Variants in KCNIP4 observed in about 807,000 individuals in gnomAD.
KCNIP4 encodes the protein Kv channel-interacting protein 4.
In KCNIP4, 12 loss-of-function variants were observed where a neutral mutation model predicts 34.0. That is an observed-to-expected ratio of 0.35 (90% CI 0.23 to 0.57). KCNIP4 has a LOEUF of 0.57. KCNIP4 is among the 20% of genes least tolerant of loss of function. The pLI is 0.83. For missense variants in KCNIP4, 238 were observed against 311.7 expected (o/e 0.76, Z 1.78); for synonymous variants, 124 against 102.2 (o/e 1.21, Z -1.29).
chr4:21,617,707 G>A (rs1321812544), intron 1 of KCNIP4, among the ~76,000 whole-genome samples: 1 of 152,146 alleles, frequency 6.6e-6, no homozygotes, highest in African/African-American at 2.4e-5. Flanking sequence ...GTTGGGATTA[G>A]AGAATGTTTT....
At chr4:20,748,609 A>G (rs1192920610) in intron 5 of KCNIP4, among the ~76,000 whole-genome samples, 1 of 137,590 alleles carries the variant, frequency 7.3e-6, no homozygotes, top group Non-Finnish European at 1.6e-5. Context: ...TATATATTCC[A>G]TAAGTAAATA....
At chr4:20,852,960 G>T (rs1228756886) in intron 2 of KCNIP4, among the ~76,000 whole-genome samples, 1 of 152,128 alleles carries the variant, frequency 6.6e-6, no homozygotes, top group Non-Finnish European at 1.5e-5. Context: ...AAACACTGTT[G>T]AAAGAAACCA....
chr4:20,877,122 G>C (rs563499876), intron 2 of KCNIP4, among the ~76,000 whole-genome samples: 1 of 152,196 alleles, frequency 6.6e-6, no homozygotes, highest in Non-Finnish European at 1.5e-5. Flanking sequence ...TTGGCCACGG[G>C]TGAAGAGGAA....
At chr4:20,942,668 T>A (rs1731762516) in intron 1 of KCNIP4, among the ~76,000 whole-genome samples, 1 of 151,996 alleles carries the variant, frequency 6.6e-6, no homozygotes, top group African/African-American at 2.4e-5. Flanking sequence ...TTCTTTTATT[T>A]TTATTTTTAT....
intron 1 of KCNIP4, among the ~76,000 whole-genome samples, chr4:21,320,822 T>A (rs1714300273): frequency 6.6e-6 from 1 of 152,094 alleles, no homozygotes; most frequent in African/African-American, 2.4e-5. Context: ...AAGACAAAAA[T>A]TAGCTGGGCA....
intron 1 of KCNIP4, among the ~76,000 whole-genome samples, chr4:21,068,124 C>T (rs995252081): frequency 1.3e-5 from 2 of 152,274 alleles, no homozygotes; most frequent in Non-Finnish European, 2.9e-5. Flanking sequence ...GATCACAATG[C>T]TCCAAGGGTG....
At chr4:20,983,502 CA>C (rs1368273542) in intron 1 of KCNIP4, among the ~76,000 whole-genome samples, 2 of 152,102 alleles carry the variant, frequency 1.3e-5, no homozygotes, top group Admixed American at 1.3e-4. Flanking sequence ...ACTTGACAAC[CA>C]AATACCAACC....
At chr4:21,822,927 C>T (rs768643498) in intron 1 of KCNIP4, among the ~76,000 whole-genome samples, 1 of 151,998 alleles carries the variant, frequency 6.6e-6, no homozygotes, top group Non-Finnish European at 1.5e-5. Flanking sequence ...CCATGTTGGC[C>T]AGGCTGGTCT....
At position 21,683,446 on chromosome 4, in the gene KCNIP4, A is replaced by ATTTTTTT. The variant is rs71191533; in HGVS notation, c.61+265118_61+265124dup. On this transcript the variant is annotated intron_variant, in intron 1 of 8. Transcript: ENST00000382152. ...TACGACTAATGATTGGTGAAGCCAG[A>ATTTTTTT]TTTTTTTTTTTTTTTTTTTTTTTTT... Among the ~76,000 whole-genome samples the ATTTTTTT allele has an allele frequency of 9.4e-4, 44 of 46,614 alleles. 5 individuals are homozygous for ATTTTTTT. The highest frequency in any genetic ancestry group is 1.4e-3 in the African/African-American group (20 of 13,916). The allele number at this position is 46,614 out of a possible 152,430, so 30.6% of individuals were successfully genotyped here.
At chr4:21,285,473 A>C (rs1360891268) in intron 1 of KCNIP4, among the ~76,000 whole-genome samples, 1 of 152,152 alleles carries the variant, frequency 6.6e-6, no homozygotes, top group African/African-American at 2.4e-5. Flanking sequence ...ATTTGATGTT[A>C]GGAAGCAGTT....
chr4:21,771,814 A>T (rs1718813704), intron 1 of KCNIP4, among the ~76,000 whole-genome samples: 1 of 152,202 alleles, frequency 6.6e-6, no homozygotes, highest in African/African-American at 2.4e-5. Context: ...TTATCAGCTC[A>T]AGAAGTTTTT....
chr4:21,426,189 G>C (rs560029111), intron 1 of KCNIP4, among the ~76,000 whole-genome samples: 1 of 152,150 alleles, frequency 6.6e-6, no homozygotes, highest in East Asian at 1.9e-4. Flanking sequence ...AGGCACAAAA[G>C]ACCACTTTAT....
chr4:21,808,737 T>C (rs139700703), intron 1 of KCNIP4, among the ~76,000 whole-genome samples: 1 of 152,350 alleles, frequency 6.6e-6, no homozygotes, highest in African/African-American at 2.4e-5. Context: ...ATTCAAATTT[T>C]AGAATTCTCT....
intron 5 of KCNIP4, among the ~76,000 whole-genome samples, chr4:20,747,188 C>T (rs1026339375): frequency 6.6e-6 from 1 of 152,074 alleles, no homozygotes; most frequent in African/African-American, 2.4e-5. Flanking sequence ...GGTTCCATAT[C>T]ATTAACACCA....
chr4:21,688,129 T>C (rs1254632456), intron 1 of KCNIP4, among the ~76,000 whole-genome samples: 5 of 152,194 alleles, frequency 3.3e-5, no homozygotes, highest in African/African-American at 1.2e-4. Context: ...TAATCTATAT[T>C]TTAAAGCAAC....
chr4:21,611,355 T>G (rs1038394671), intron 1 of KCNIP4, among the ~76,000 whole-genome samples: 2 of 152,070 alleles, frequency 1.3e-5, no homozygotes, highest in Non-Finnish European at 2.9e-5. Context: ...GAAGAGCCCC[T>G]TATAAAACCA....
At chr4:21,572,644 T>C (rs937113446) in intron 1 of KCNIP4, among the ~76,000 whole-genome samples, 1 of 151,952 alleles carries the variant, frequency 6.6e-6, no homozygotes, top group African/African-American at 2.4e-5. Context: ...TTTTTTTTTT[T>C]TTTTTGAGAC....
chr4:21,005,790 C>G (rs1353554403), intron 1 of KCNIP4, among the ~76,000 whole-genome samples: 1 of 152,126 alleles, frequency 6.6e-6, no homozygotes, highest in East Asian at 1.9e-4. Context: ...GGAGGAAGGA[C>G]AGGCCCTCAG....
At chr4:20,776,783 C>A (rs77257420) in intron 3 of KCNIP4, among the ~76,000 whole-genome samples, 62 of 152,152 alleles carry the variant, frequency 4.1e-4, no homozygotes, top group African/African-American at 1.4e-3. Flanking sequence ...AGTTCAGAAT[C>A]AACAATGAAC....
Sources: allele counts gnomAD v4.1 joint callset (sites outside exome capture counted in the v4.1 genomes callset), GRCh38; gene constraint gnomAD v4.1.1; transcripts MANE v1.5; gene names NCBI Gene and HGNC (gene_info 2026-07-23, HGNC 2026-07-21).